Variants in GRIN2B observed in about 807,000 individuals in gnomAD.
GRIN2B encodes glutamate receptor ionotropic, NMDA 2B.
A neutral mutation model predicts 114.5 loss-of-function variants in GRIN2B; 5 were observed. That is an observed-to-expected ratio of 0.04 (90% CI 0.02 to 0.09). The LOEUF (loss-of-function observed/expected upper bound fraction) is 0.09, where lower values mean the gene tolerates loss of function less well. GRIN2B is among the 10% of genes least tolerant of loss of function. The probability of loss-of-function intolerance (pLI) is 1.00; values close to 1 mark genes in which losing one functional copy is unlikely to be tolerated. For synonymous variants in GRIN2B, 787 were observed against 745.1 expected (o/e 1.06, Z -0.92); for missense variants, 1,108 against 1,943.5 (o/e 0.57, Z 8.08).
intron 2 of GRIN2B, among the ~76,000 whole-genome samples, chr12:13,913,263 A>G (rs145555786): frequency 0.01 from 1,589 of 152,254 alleles, 23 homozygotes; most frequent in African/African-American, 0.036. Context: ...AGAGGCCAGA[A>G]TCTTCCATTC....
intron 3 of GRIN2B, among the ~76,000 whole-genome samples, chr12:13,806,516 T>C (rs1864603389): frequency 6.6e-6 from 1 of 152,206 alleles, no homozygotes; most frequent in Non-Finnish European, 1.5e-5. Context: ...GCTTTTTGTA[T>C]GTCTTCCTTT....
intron 3 of GRIN2B, among the ~76,000 whole-genome samples, chr12:13,757,016 C>T (rs1384949935): frequency 5.3e-5 from 8 of 152,198 alleles, no homozygotes; most frequent in Admixed American, 3.3e-4. Context: ...CCATCATCCC[C>T]AACTACATCC....
chr12:13,855,846 C>T (rs1407689893), intron 3 of GRIN2B, among the ~76,000 whole-genome samples: 1 of 152,166 alleles, frequency 6.6e-6, no homozygotes, highest in African/African-American at 2.4e-5. Flanking sequence ...ACCATGCTAC[C>T]CAGTGCAGTG....
intron 4 of GRIN2B, among the ~76,000 whole-genome samples, chr12:13,685,120 G>C (rs1280592793): frequency 6.6e-6 from 1 of 152,178 alleles, no homozygotes; most frequent in African/African-American, 2.4e-5. Flanking sequence ...CAACGGAAAA[G>C]AATAAGAAGG....
At chr12:13,826,758 T>G (rs896135800) in intron 3 of GRIN2B, among the ~76,000 whole-genome samples, 1 of 152,150 alleles carries the variant, frequency 6.6e-6, no homozygotes, top group African/African-American at 2.4e-5. Context: ...TTTTCAGGAT[T>G]TTTAATAATG....
intron 4 of GRIN2B, among the ~76,000 whole-genome samples, chr12:13,677,581 C>T (rs532663546): frequency 6.6e-4 from 101 of 152,226 alleles, no homozygotes; most frequent in African/African-American, 2.2e-3. Flanking sequence ...ATCAACTAGC[C>T]TACCACTTCT....
chr12:13,884,815 A>G (rs965104254), intron 2 of GRIN2B, among the ~76,000 whole-genome samples: 7 of 152,090 alleles, frequency 4.6e-5, no homozygotes, highest in Non-Finnish European at 8.8e-5. Flanking sequence ...ATGTGTGTGT[A>G]TATATATACA....
chr12:13,813,141 T>C (rs1864764532), intron 3 of GRIN2B, among the ~76,000 whole-genome samples: 1 of 151,996 alleles, frequency 6.6e-6, no homozygotes, highest in Non-Finnish European at 1.5e-5. Flanking sequence ...GGTTTCACCA[T>C]ATTGGCCAGG....
chr12:13,605,396 A>G (rs563304373), intron 10 of GRIN2B, among the ~76,000 whole-genome samples: 1 of 152,192 alleles, frequency 6.6e-6, no homozygotes, highest in African/African-American at 2.4e-5. Context: ...GCATAGATAG[A>G]GGTATGGTTG....
intron 3 of GRIN2B, among the ~76,000 whole-genome samples, chr12:13,755,956 G>A (rs1263880568): frequency 6.6e-6 from 1 of 152,190 alleles, no homozygotes; most frequent in African/African-American, 2.4e-5. Context: ...CCCTCACCAA[G>A]CACCAAATCT....
chr12:13,624,631 G>A (rs1042268980), intron 5 of GRIN2B, among the ~76,000 whole-genome samples: 1 of 152,206 alleles, frequency 6.6e-6, no homozygotes, highest in African/African-American at 2.4e-5. Context: ...TTTGGCCTAT[G>A]ACTGCCTCTT....
chr12:13,552,431 A>G lies in GRIN2B; in HGVS notation c.*10352T>C, dbSNP rs934142569. On this transcript the variant is annotated 3_prime_UTR_variant, in exon 14 of 14. Coordinates refer to ENST00000609686, the MANE Select transcript of GRIN2B (RefSeq NM_000834.5). ...GTCAGCTTCTGGCTTTATTGGTGAC[A>G]CAAAAGGAAGCTCCAGTGTAGACTT... The G allele has an allele frequency of 6.6e-6, 1 of 152,170 alleles. No homozygotes were observed. Among genetic ancestry groups the G allele is most frequent in the African/African-American group, 2.4e-5 (1 of 41,436 alleles). 9.4% of individuals were successfully genotyped at this position (152,170 alleles called of 1,614,324 possible).
chr12:13,814,077 T>C (rs974285795), intron 3 of GRIN2B, among the ~76,000 whole-genome samples: 1 of 152,226 alleles, frequency 6.6e-6, no homozygotes, highest in Non-Finnish European at 1.5e-5. Flanking sequence ...AAAGTTACCA[T>C]AGACAAAAAG....
intron 3 of GRIN2B, among the ~76,000 whole-genome samples, chr12:13,794,512 C>G (rs2268128): frequency 0.043 from 6,479 of 152,242 alleles, 203 homozygotes; most frequent in African/African-American, 0.09. Context: ...TAACCTCCCC[C>G]CCGGACCCGA....
intron 3 of GRIN2B, among the ~76,000 whole-genome samples, chr12:13,804,535 G>T (rs1380080909): frequency 9.9e-5 from 15 of 151,932 alleles, no homozygotes; most frequent in African/African-American, 7.3e-5. Flanking sequence ...TGGTTGTCCT[G>T]GTCCCTCCAC....
chr12:13,548,869 G>T lies in GRIN2B; in HGVS notation c.*13914C>A, dbSNP rs953831312. On this transcript the variant is annotated 3_prime_UTR_variant, in exon 14 of 14. Coordinates refer to ENST00000609686, the MANE Select transcript of GRIN2B (RefSeq NM_000834.5). ...CATTTCCTCCGATCATCTGAAACTA[G>T]CCTCCTGAACCAGGCTCCGGGGATC... 3.9e-5 allele frequency: 6 copies of T among 152,004 alleles called. No homozygotes were observed. Among genetic ancestry groups the T allele is most frequent in the African/African-American group, 1.5e-4 (6 of 41,338 alleles). The allele number at this position is 152,004 out of a possible 1,614,324, so 9.4% of individuals were successfully genotyped here.
At chr12:13,887,699 A>C (rs956166586) in intron 2 of GRIN2B, among the ~76,000 whole-genome samples, 1 of 152,228 alleles carries the variant, frequency 6.6e-6, no homozygotes, top group African/African-American at 2.4e-5. Flanking sequence ...ATGGAAAGTG[A>C]GTAATGAAGA....
At chr12:13,823,498 G>T (rs1360953901) in intron 3 of GRIN2B, among the ~76,000 whole-genome samples, 1 of 151,832 alleles carries the variant, frequency 6.6e-6, no homozygotes. Flanking sequence ...ATTGATTTTT[G>T]TATATTAACT....
intron 4 of GRIN2B, among the ~76,000 whole-genome samples, chr12:13,717,249 G>A (rs951517871): frequency 1.3e-5 from 2 of 151,604 alleles, no homozygotes; most frequent in African/African-American, 4.8e-5. Context: ...TTCATAACTA[G>A]GTCTGGCCGA....
Sources: allele counts gnomAD v4.1 joint callset (sites outside exome capture counted in the v4.1 genomes callset), GRCh38; gene constraint gnomAD v4.1.1; transcripts MANE v1.5; gene names NCBI Gene and HGNC (gene_info 2026-07-23, HGNC 2026-07-21).